Variants in ESRP2 observed in about 807,000 individuals in gnomAD.
ESRP2 encodes the protein epithelial splicing regulatory protein 2.
In ESRP2, 48 loss-of-function variants were observed where a neutral mutation model predicts 78.6. The observed-to-expected ratio is 0.61, with a 90% CI of 0.48 to 0.78. The LOEUF (loss-of-function observed/expected upper bound fraction) is 0.78, where lower values mean the gene tolerates loss of function less well. ESRP2 is among the 30% of genes least tolerant of loss of function. The probability of loss-of-function intolerance (pLI) is 0.00; values close to 1 mark genes in which losing one functional copy is unlikely to be tolerated. For synonymous variants in ESRP2, 383 were observed against 406.7 expected (o/e 0.94, Z 0.70); for missense variants, 863 against 965.9 (o/e 0.89, Z 1.41).
rs777449153 is a variant in ESRP2 at position 68,230,465 on chromosome 16, C to T, written c.1988G>A (p.Gly663Glu). The T allele has an allele frequency of 4.3e-6, 7 of 1,612,762 alleles. No individual in the cohort carries two copies. Among genetic ancestry groups the T allele is most frequent in the Non-Finnish European group, 5.9e-6 (7 of 1,179,234 alleles). ...SAPTSVLSQS[G>E]ALVRMQGVPY... ...GACACCCTGCATGCGGACCAAGGCT[C>T]CTGACTGGGACAACACTGAGGTGGG... The change falls in exon 14 of 15, where the codon GGA (glycine) becomes GAA (glutamate). Residue 663 changes from glycine to glutamate, a missense_variant. Coordinates refer to ENST00000473183, the MANE Select transcript of ESRP2 (RefSeq NM_024939.3).
At position 68,230,249 on chromosome 16, in the gene ESRP2, G is replaced by A. The variant is rs1002896533; in HGVS notation, c.2131C>T (p.Pro711Ser). 24 of 1,614,062 alleles carry A rather than the reference G, an allele frequency of 1.5e-5. No individual in the cohort carries two copies. The African/African-American group carries it at 3.1e-4, about 21-fold the overall frequency. ...TCCTACAAACACACCCATTCCTTGG[G>A]GGCTTGTAACACAGTGCGAGGTGGG... ...GDPPRTVLQA[P>S]KEWVCL Residue 711 changes from proline to serine, a missense_variant, in exon 15 of 15, where the codon CCC (proline) becomes TCC (serine). Pro to Ser is a moderately conservative substitution (Grantham distance 74). Transcript: ENST00000473183.
In ESRP2 at chr16:68,231,511, G is replaced by A. The variant is rs2042139743; in HGVS notation, c.1483C>T (p.His495Tyr). ...TGGTTGAGCACCATGTGTACACCGT[G>A]GGGCCGAATGTCAGCTGCTGCCTCC... is the stretch of plus-strand genomic sequence containing the variant. The part of the protein sequence containing the change: ...LGEAAADIRP[H>Y]GVHMVLNQQG... Residue 495 changes from histidine to tyrosine, a missense_variant, in exon 11 of 15, where the codon CAC becomes TAC. His to Tyr is a moderately conservative substitution (Grantham distance 83). Transcript: ENST00000473183. This position sits in a 1 kb window ranked among gnomAD's most constrained non-coding sequence, Gnocchi z 6.0. 1 of 1,614,078 alleles carries A rather than the reference G, an allele frequency of 6.2e-7. No individual in the cohort carries two copies. Among genetic ancestry groups the A allele is most frequent in the Non-Finnish European group, 8.5e-7 (1 of 1,179,996 alleles).
rs1203354545 is a variant in ESRP2 at position 68,231,865 on chromosome 16, G to A, written c.1236C>T (p.His412=). The change falls in exon 10 of 15, where the codon CAC becomes CAT. Residue 412 remains histidine, a synonymous_variant. Coordinates refer to ENST00000473183, the MANE Select transcript of ESRP2 (RefSeq NM_024939.3). This position sits in a 1 kb window ranked among gnomAD's most constrained non-coding sequence, Gnocchi z 6.0. ...EELAQAALRR[H]KGMLGKRYIE... Reference sequence around the variant, plus strand: ...TGTATCGCTTACCCAGCATGCCCTTGTGCCTGCGCAGTGCAGCCTGTGCCA... The same window carrying A: ...TGTATCGCTTACCCAGCATGCCCTTATGCCTGCGCAGTGCAGCCTGTGCCA... 5.6e-6 allele frequency: 9 copies of A among 1,613,858 alleles called. No homozygotes were observed. In the East Asian group the frequency reaches 2.0e-4, roughly 36 times the overall value.
At chr16:68,233,545 C>T (rs2151194981) in intron 4 of ESRP2, 120 bp from the exon 5 acceptor site, 1 of 850,374 alleles carries the variant, frequency 1.2e-6, no homozygotes, top group African/African-American at 1.7e-5. Flanking sequence ...TTGTTTTGGC[C>T]CAGTTCATGT....
chr16:68,231,428 C>G lies in ESRP2; in HGVS notation c.1513-52G>C. The stretch of plus-strand genomic sequence containing the variant: ...TGTCATGTGTAAGAGTGCCTTACCC[C>G]TAACACACACCCCTTCCTATTTATG... On this transcript the variant is annotated intron_variant, in intron 11 of 14. Transcript: ENST00000473183. This position sits in a 1 kb window ranked among gnomAD's most constrained non-coding sequence, Gnocchi z 6.0. The G allele has an allele frequency of 1.2e-6, 2 of 1,613,558 alleles. No individual in the cohort carries two copies. The highest frequency in any genetic ancestry group is 1.7e-6 in the Non-Finnish European group (2 of 1,179,582).
At position 68,232,989 on chromosome 16, in the gene ESRP2, A is replaced by G. The variant is rs1180276412; in HGVS notation, c.656-174T>C. Reference sequence around the variant, plus strand: ...CAAGGTGGGTGGATCATTTGAGGTCAGGAGTTCCAGACCAGCCTGGCCAAC... The same window carrying G: ...CAAGGTGGGTGGATCATTTGAGGTCGGGAGTTCCAGACCAGCCTGGCCAAC... On this transcript the variant is annotated intron_variant, in intron 5 of 14. Transcript: ENST00000473183. The surrounding 1 kb of genome is among the most constrained non-coding windows in gnomAD (Gnocchi z 5.2). Among the ~76,000 whole-genome samples, 1 of 152,184 alleles carries G rather than the reference A, an allele frequency of 6.6e-6. No homozygotes were observed. The highest frequency in any genetic ancestry group is 1.5e-5 in the Non-Finnish European group (1 of 68,006).
At position 68,232,365 on chromosome 16, in the gene ESRP2, C is replaced by G. The variant is rs775924005; in HGVS notation, c.954+6G>C. Reference sequence around the variant, plus strand: ...GCCCTGCTCCGCTCCCAGCCCAAAGCCCCACCTCAATATAGCGGACGCCCA... The same window carrying G: ...GCCCTGCTCCGCTCCCAGCCCAAAGGCCCACCTCAATATAGCGGACGCCCA... On this transcript the variant is annotated splice_donor_region_variant and intron_variant, in intron 8 of 14. Coordinates refer to ENST00000473183, the MANE Select transcript of ESRP2 (RefSeq NM_024939.3). The surrounding 1 kb of genome is among the most constrained non-coding windows in gnomAD (Gnocchi z 5.2). The G allele has an allele frequency of 6.2e-7, 1 of 1,614,068 alleles. No homozygotes were observed. The highest frequency in any genetic ancestry group is 8.5e-7 in the Non-Finnish European group (1 of 1,179,946).
Position 68,232,424 on chromosome 16 carries a change from G to T in ESRP2, c.901C>A (p.Arg301=), listed in dbSNP as rs1307044181. 2 of 1,614,092 alleles carry T rather than the reference G, an allele frequency of 1.2e-6. No homozygotes were observed. Among genetic ancestry groups the T allele is most frequent in the Non-Finnish European group, 1.7e-6 (2 of 1,180,028 alleles). ...ALIRFVDSEQ[R]DLALQRHKHH... ...TTGTGTCTCTGCAGCGCTAGGTCCC[G>T]CTGCTCGCTGTCCACAAAGCGGATG... The change falls in exon 8 of 15, where the codon CGG becomes AGG. Residue 301 remains arginine (R), a synonymous_variant. Transcript: ENST00000473183. This position sits in a 1 kb window ranked among gnomAD's most constrained non-coding sequence, Gnocchi z 5.2.
chr16:68,234,166 G>T, intron 2 of ESRP2, 59 bp from the exon 3 acceptor site: 1 of 1,342,058 alleles, frequency 7.5e-7, no homozygotes, highest in Non-Finnish European at 1.0e-6. Flanking sequence ...CAGGCAGGAA[G>T]TGAGGGTAGG....
At position 68,232,492 on chromosome 16, in the gene ESRP2, G is replaced by A; in HGVS notation, c.833C>T (p.Ala278Val). 1 of 1,614,172 alleles carries A rather than the reference G, an allele frequency of 6.2e-7. No individual in the cohort carries two copies. Among genetic ancestry groups the A allele is most frequent in the South Asian group, 1.1e-5 (1 of 91,088 alleles). Reference sequence around the variant, plus strand: ...GCGGCCCTGGGCGTTGAGGCAGAGTGCTACACCACCCCTGTGGAGCCAGTG... The same window carrying A: ...GCGGCCCTGGGCGTTGAGGCAGAGTACTACACCACCCCTGTGGAGCCAGTG... Reference protein sequence around the residue: ...KGLNVARGGVALCLNAQGRRN... With the variant: ...KGLNVARGGVVLCLNAQGRRN... Residue 278 changes from alanine (A) to valine (V), a missense_variant, in exon 8 of 15, where the codon GCA becomes GTA. Coordinates refer to ENST00000473183, the MANE Select transcript of ESRP2 (RefSeq NM_024939.3). The surrounding 1 kb of genome is among the most constrained non-coding windows in gnomAD (Gnocchi z 5.2).
Position 68,229,885 on chromosome 16 carries a change from G to A in ESRP2, c.*341C>T, listed in dbSNP as rs1287983059. On this transcript the variant is annotated 3_prime_UTR_variant, in exon 15 of 15. Coordinates refer to ENST00000473183, the MANE Select transcript of ESRP2 (RefSeq NM_024939.3). ...CCATTTTATAAAAGAAAGCAAGCCT[G>A]CCGTGGACCTGTCAGCCCCACGATA... 2 of 320,740 alleles carry A rather than the reference G, an allele frequency of 6.2e-6. No homozygotes were observed. Among genetic ancestry groups the A allele is most frequent in the Non-Finnish European group, 1.2e-5 (2 of 168,396 alleles). The allele number at this position is 320,740 out of a possible 1,614,324, so 19.9% of individuals were successfully genotyped here.
chr16:68,233,299 A>C, intron 5 of ESRP2, 28 bp downstream of exon 5: 1 of 1,502,868 alleles, frequency 6.7e-7, no homozygotes, highest in Non-Finnish European at 9.3e-7. Flanking sequence ...CCCTGAGAAC[A>C]GGTGACAGGC....
chr16:68,232,813 G>T lies in ESRP2; in HGVS notation c.658C>A (p.Gln220Lys). 6.2e-7 allele frequency: 1 copy of T among 1,613,666 alleles called. No individual in the cohort carries two copies. Among genetic ancestry groups the T allele is most frequent in the Non-Finnish European group, 8.5e-7 (1 of 1,180,046 alleles). The change falls in exon 6 of 15, where the codon CAA becomes AAA. Residue 220 changes from glutamine to lysine, a missense_variant and splice_region_variant. Gln to Lys is a moderately conservative substitution (Grantham distance 53). Coordinates refer to ENST00000473183, the MANE Select transcript of ESRP2 (RefSeq NM_024939.3). This position sits in a 1 kb window ranked among gnomAD's most constrained non-coding sequence, Gnocchi z 5.2. ...ATCACCTCGGGCTTCGAAAACAATTGACCTGAGAAAAGATGGCCTGGGGGT... is the reference window on the plus strand; with the variant it reads ...ATCACCTCGGGCTTCGAAAACAATTTACCTGAGAAAAGATGGCCTGGGGGT... Reference protein sequence around the residue: ...ILHLLKEPSSQLFSKPEVIKQ... With the variant: ...ILHLLKEPSSKLFSKPEVIKQ...
Position 68,235,931 on chromosome 16 carries a change from C to G in ESRP2, c.115G>C (p.Gly39Arg), listed in dbSNP as rs759066784. ...GAGCCCAGGTCCCGTCCCAGCGCAC[C>G]CGCCGTAGCCCCGAAGAGGACGACC... Reference protein sequence around the residue: ...SLVVLFGATAGALGRDLGSDE... With the variant: ...SLVVLFGATARALGRDLGSDE... The change falls in exon 1 of 15, where the codon GGT (glycine) becomes CGT (arginine). Residue 39 changes from glycine to arginine, a missense_variant. Transcript: ENST00000473183. This position sits in a 1 kb window ranked among gnomAD's most constrained non-coding sequence, Gnocchi z 5.5. The G allele has an allele frequency of 6.2e-7, 1 of 1,611,610 alleles. No homozygotes were observed. The highest frequency in any genetic ancestry group is 1.1e-5 in the South Asian group (1 of 90,996).
chr16:68,231,125 C>T lies in ESRP2; in HGVS notation c.1711+53G>A. 2 of 1,610,018 alleles carry T rather than the reference C, an allele frequency of 1.2e-6. No homozygotes were observed. The highest frequency in any genetic ancestry group is 1.7e-5 in the Admixed American group (1 of 59,966). ...CCCCGCTATAGAAGGTAGGGGCTTA[C>T]AACAGCCTGGCTACCACAGGCCTCC... On this transcript the variant is annotated intron_variant, in intron 12 of 14. Transcript: ENST00000473183. The surrounding 1 kb of genome is among the most constrained non-coding windows in gnomAD (Gnocchi z 6.0).
At chr16:68,233,177 C>G in intron 5 of ESRP2, 150 bp downstream of exon 5, 1 of 622,510 alleles carries the variant, frequency 1.6e-6, no homozygotes, top group Admixed American at 2.9e-5. Context: ...CTAGCCTAGG[C>G]TACAGAGGGA....
rs375942085 is a variant in ESRP2 at position 68,234,019 on chromosome 16, A to G, written c.416T>C (p.Val139Ala). 11 of 1,614,008 alleles carry G rather than the reference A, an allele frequency of 6.8e-6. No homozygotes were observed. Among genetic ancestry groups the G allele is most frequent in the Middle Eastern group, 3.3e-4 (2 of 6,062 alleles). Residue 139 changes from valine to alanine, a missense_variant, in exon 3 of 15, where the codon GTC becomes GCC. Transcript: ENST00000473183. ...CTDGQQLLRQVLHPEASRKNL... is the reference protein window; with the variant it reads ...CTDGQQLLRQALHPEASRKNL... Reference sequence around the variant, plus strand: ...CTTCCTGGAGGCCTCGGGGTGCAGGACCTGTCGCAATAGCTGCTGCCCATC... The same window carrying G: ...CTTCCTGGAGGCCTCGGGGTGCAGGGCCTGTCGCAATAGCTGCTGCCCATC...
chr16:68,232,607 G>A lies in ESRP2; in HGVS notation c.791C>T (p.Ala264Val). ...CACGTTGAGCCCTTTGAAGAAGCGA[G>A]CCACGTCCTGGTCTGATGACTGCCA... The part of the protein sequence containing the change: ...LPWQSSDQDV[A>V]RFFKGLNVAR... Residue 264 changes from alanine (A) to valine (V), a missense_variant, in exon 7 of 15, where the codon GCT becomes GTT. Physicochemically the swap from Ala to Val is moderately conservative, Grantham distance 64. Coordinates refer to ENST00000473183, the MANE Select transcript of ESRP2 (RefSeq NM_024939.3). This position sits in a 1 kb window ranked among gnomAD's most constrained non-coding sequence, Gnocchi z 5.2. The A allele has an allele frequency of 1.2e-6, 2 of 1,614,142 alleles. No homozygotes were observed. The highest frequency in any genetic ancestry group is 1.7e-6 in the Non-Finnish European group (2 of 1,180,032).
rs2042145165 is a variant in ESRP2, at chr16:68,231,853, C to T, written c.1248G>A (p.Leu416=). 13 of 1,613,972 alleles carry T rather than the reference C, an allele frequency of 8.1e-6. No individual in the cohort carries two copies. The highest frequency in any genetic ancestry group is 1.0e-5 in the Non-Finnish European group (12 of 1,179,942). Residue 416 remains leucine (L), a synonymous_variant, in exon 10 of 15, where the codon CTG becomes CTA. Transcript: ENST00000473183. This position sits in a 1 kb window ranked among gnomAD's most constrained non-coding sequence, Gnocchi z 6.0. ...GGAAGAGTTCAATGTATCGCTTACC[C>T]AGCATGCCCTTGTGCCTGCGCAGTG... ...QAALRRHKGM[L]GKRYIELFRS...
Sources: gnomAD v4.1 joint callset for allele counts (sites outside exome capture counted in the v4.1 genomes callset) on GRCh38, gnomAD v4.1.1 for gene constraint, Gnocchi (gnomAD v3.1) non-coding constraint, MANE v1.5 for transcripts, NCBI Gene and HGNC (gene_info 2026-07-23, HGNC 2026-07-21) for gene names.